Variants in MYOZ2 observed in about 807,000 individuals in gnomAD.
MYOZ2 encodes the protein myozenin-2.
Under a neutral mutation model 25.4 loss-of-function variants are expected in MYOZ2, and 19 were observed. The observed-to-expected ratio is 0.75, with a 90% confidence interval of 0.52 to 1.10. The LOEUF (loss-of-function observed/expected upper bound fraction) is 1.10, where lower values mean the gene tolerates loss of function less well. Among genes scored for constraint, MYOZ2 ranks in the 50% least tolerant of loss-of-function variants. The probability of loss-of-function intolerance (pLI) is 0.00; values close to 1 mark genes in which losing one functional copy is unlikely to be tolerated. For synonymous variants in MYOZ2, 92 were observed against 106.9 expected, an observed-to-expected ratio of 0.86 and a Z score of 0.86; for missense variants, 270 against 317.9, an observed-to-expected ratio of 0.85 and a Z score of 1.15.
chr4:119,158,185 T>C, intron 4 of MYOZ2, 34 bp downstream of exon 4: 1 of 1,610,658 alleles, frequency 6.2e-7, no homozygotes, highest in Non-Finnish European at 8.5e-7. Context: ...AGCAATAAAA[T>C]TTCTGTGTAC....
intron 4 of MYOZ2, among the ~76,000 whole-genome samples, chr4:119,163,938 G>GA (rs1741762974): frequency 6.6e-6 from 1 of 152,024 alleles, no homozygotes; most frequent in South Asian, 2.1e-4. Flanking sequence ...AGTTTTACTG[G>GA]AAAAATATAT....
chr4:119,140,886 A>G (rs1741146561), intron 2 of MYOZ2, among the ~76,000 whole-genome samples: 1 of 152,210 alleles, frequency 6.6e-6, no homozygotes, highest in African/African-American at 2.4e-5. Flanking sequence ...TAGAACTCAA[A>G]TCAAGACAGA....
intron 5 of MYOZ2, among the ~76,000 whole-genome samples, chr4:119,171,812 C>T (rs1486265830): frequency 8.1e-6 from 1 of 123,584 alleles, no homozygotes; most frequent in Non-Finnish European, 1.9e-5. Flanking sequence ...TTTCCAAACA[C>T]ACAAACACAC....
chr4:119,181,134 A>G (rs2036861), intron 5 of MYOZ2, among the ~76,000 whole-genome samples: 52,746 of 152,040 alleles, frequency 0.35, 10,399 homozygotes, highest in East Asian at 0.52. Context: ...CCTCATATTC[A>G]TTCCTTTTAT....
chr4:119,177,230 G>A (rs1409536661), intron 5 of MYOZ2, among the ~76,000 whole-genome samples: 5 of 151,744 alleles, frequency 3.3e-5, no homozygotes, highest in Admixed American at 3.3e-4. Context: ...TCTTCCTCTC[G>A]TCTCTCTCCA....
chr4:119,148,403 T>A (rs1403300600), intron 2 of MYOZ2, among the ~76,000 whole-genome samples: 1 of 152,142 alleles, frequency 6.6e-6, no homozygotes, highest in Non-Finnish European at 1.5e-5. Flanking sequence ...CTTTAGGACA[T>A]TTTTCAGCCG....
chr4:119,179,781 C>T (rs1742151133), intron 5 of MYOZ2, among the ~76,000 whole-genome samples: 1 of 152,182 alleles, frequency 6.6e-6, no homozygotes, highest in South Asian at 2.1e-4. Flanking sequence ...TTGCTGTGTC[C>T]TCACATGGCA....
chr4:119,161,837 T>C (rs1186957202), intron 4 of MYOZ2, among the ~76,000 whole-genome samples: 1 of 152,138 alleles, frequency 6.6e-6, no homozygotes, highest in African/African-American at 2.4e-5. Context: ...GATGTTCTAG[T>C]TATGTGATCA....
intron 5 of MYOZ2, among the ~76,000 whole-genome samples, chr4:119,165,058 A>G (rs1224982760): frequency 6.6e-6 from 1 of 150,834 alleles, no homozygotes; most frequent in Non-Finnish European, 1.5e-5. Flanking sequence ...AGAGTAAAAT[A>G]TTAAAATATC....
chr4:119,146,395 C>G (rs1339367472), intron 2 of MYOZ2, among the ~76,000 whole-genome samples: 1 of 151,898 alleles, frequency 6.6e-6, no homozygotes, highest in African/African-American at 2.4e-5. Context: ...ACTGTGTTGA[C>G]TGTTTCCCAT....
intron 5 of MYOZ2, among the ~76,000 whole-genome samples, chr4:119,177,122 G>A (rs993876563): frequency 2.6e-5 from 4 of 152,066 alleles, no homozygotes; most frequent in Admixed American, 6.6e-5. Context: ...CCAAAATGAC[G>A]CCATTTTTTA....
At chr4:119,151,157 A>C in intron 3 of MYOZ2, 116 bp downstream of exon 3, 1 of 1,098,826 alleles carries the variant, frequency 9.1e-7, no homozygotes, top group Non-Finnish European at 1.3e-6. Flanking sequence ...TTATTCTGTT[A>C]GGCTATTTTT....
chr4:119,158,150 A>G lies in MYOZ2; in HGVS notation c.375A>G (p.Pro125=), dbSNP rs1298409908. Residue 125 remains proline, a splice_region_variant and synonymous_variant, in exon 4 of 6, where the codon CCA becomes CCG. Transcript: ENST00000307128. The stretch of plus-strand genomic sequence containing the variant: ...CTCCAAATCCAGACAACATTGCTCC[A>G]GGTAACCAATCCCCTTACCAACAGA... ...RSPPNPDNIA[P]GYSGPLKEIP... 6.2e-7 allele frequency: 1 copy of G among 1,614,074 alleles called. No homozygotes were observed. The highest frequency in any genetic ancestry group is 1.3e-5 in the African/African-American group (1 of 75,044).
chr4:119,141,657 C>T (rs1741160796), intron 2 of MYOZ2, among the ~76,000 whole-genome samples: 1 of 152,196 alleles, frequency 6.6e-6, no homozygotes, highest in Non-Finnish European at 1.5e-5. Flanking sequence ...GCTGGGATTA[C>T]AGGCATGAAC....
intron 2 of MYOZ2, among the ~76,000 whole-genome samples, chr4:119,139,040 G>A (rs754787520): frequency 3.3e-5 from 5 of 152,178 alleles, no homozygotes; most frequent in African/African-American, 7.2e-5. Context: ...TAGAATGAGT[G>A]AGAGGTGGAT....
chr4:119,167,344 T>C (rs1456868122), intron 5 of MYOZ2, among the ~76,000 whole-genome samples: 1 of 152,232 alleles, frequency 6.6e-6, no homozygotes, highest in Non-Finnish European at 1.5e-5. Context: ...AGGCCCTAAC[T>C]TTCTTCAACT....
chr4:119,145,369 G>T (rs1164830557), intron 2 of MYOZ2, among the ~76,000 whole-genome samples: 3 of 123,208 alleles, frequency 2.4e-5, no homozygotes, highest in African/African-American at 6.1e-5. Flanking sequence ...TTTTGAGATA[G>T]GGTCTCACTC....
intron 5 of MYOZ2, among the ~76,000 whole-genome samples, chr4:119,174,397 ACT>A (rs965365211): frequency 1.3e-5 from 2 of 150,788 alleles, no homozygotes; most frequent in African/African-American, 2.5e-5. Context: ...ACCAATGGAC[ACT>A]CTGTATCTAG....
rs575225705 is a variant in MYOZ2, at chr4:119,143,658, A to C, written c.76+7057A>C. Among the ~76,000 whole-genome samples, 31 of 152,298 alleles carry C rather than the reference A, an allele frequency of 2.0e-4. No individual in the cohort carries two copies. The South Asian group carries it at 5.2e-3, about 25-fold the overall frequency. On this transcript the variant is annotated intron_variant, in intron 2 of 5. Coordinates refer to ENST00000307128, the MANE Select transcript of MYOZ2 (RefSeq NM_016599.5). ...CTGCCATTACAGCATCACACAGGAT[A>C]GTTTCTCGGCCCTAAAAATCCTCTA...
Sources: allele counts gnomAD v4.1 joint callset (sites outside exome capture counted in the v4.1 genomes callset), GRCh38; gene constraint gnomAD v4.1.1; transcripts MANE v1.5; gene names NCBI Gene and HGNC (gene_info 2026-07-23, HGNC 2026-07-21).